MGAT5: variants seen among roughly 807,000 people sequenced by gnomAD.
The protein encoded by MGAT5 is alpha-1,6-mannosylglycoprotein 6-beta-N-acetylglucosaminyltransferase, also known as alpha-1,6-mannosylglycoprotein 6-beta-N-acetylglucosaminyltransferase A.
In MGAT5, 30 loss-of-function variants were observed where a neutral mutation model predicts 94.3. The observed-to-expected ratio is 0.32, with a 90% CI of 0.24 to 0.43. The LOEUF (loss-of-function observed/expected upper bound fraction) is 0.43, where lower values mean the gene tolerates loss of function less well. MGAT5 is among the 20% of genes least tolerant of loss of function. The pLI, the probability that MGAT5 is intolerant of heterozygous loss-of-function variation, is 1.00. For missense variants in MGAT5, 691 were observed against 905.5 expected (o/e 0.76, Z 3.04); for synonymous variants, 310 against 322.9 (o/e 0.96, Z 0.43).
At chr2:134,152,828 C>T (rs907397785) in intron 1 of MGAT5, among the ~76,000 whole-genome samples, 4 of 151,044 alleles carry the variant, frequency 2.6e-5, no homozygotes, top group Non-Finnish European at 5.9e-5. Context: ...ACCTCAGTTG[C>T]GTAAGGAAGT....
chr2:134,356,187 C>G (rs1160228456), intron 9 of MGAT5, among the ~76,000 whole-genome samples: 1 of 152,178 alleles, frequency 6.6e-6, no homozygotes, highest in East Asian at 1.9e-4. Flanking sequence ...TTCAGCATTT[C>G]TTGGTACTTG....
At chr2:134,199,350 G>T (rs996718744) in intron 1 of MGAT5, among the ~76,000 whole-genome samples, 2 of 152,092 alleles carry the variant, frequency 1.3e-5, no homozygotes, top group African/African-American at 2.4e-5. Context: ...CTGAAGTCTC[G>T]GAGGGAGTCC....
At chr2:134,213,873 A>G (rs1476001584) in intron 1 of MGAT5, among the ~76,000 whole-genome samples, 1 of 151,894 alleles carries the variant, frequency 6.6e-6, no homozygotes, top group Non-Finnish European at 1.5e-5. Context: ...AGTTCCCTGA[A>G]CCCTGTCATG....
At chr2:134,281,950 C>T (rs1429046409) in intron 2 of MGAT5, among the ~76,000 whole-genome samples, 5 of 152,228 alleles carry the variant, frequency 3.3e-5, no homozygotes, top group African/African-American at 1.2e-4. Context: ...GAAGCTGTAT[C>T]TGATGGTATC....
chr2:134,226,962 A>G (rs1300525924), intron 1 of MGAT5, among the ~76,000 whole-genome samples: 1 of 125,872 alleles, frequency 7.9e-6, no homozygotes, highest in Non-Finnish European at 1.6e-5. Flanking sequence ...GGTACCAGAT[A>G]GTCCTATTTT....
At chr2:134,304,470 C>T (rs2105839125) in intron 2 of MGAT5, among the ~76,000 whole-genome samples, 1 of 152,280 alleles carries the variant, frequency 6.6e-6, no homozygotes, top group South Asian at 2.1e-4. Context: ...CTGAAACGAA[C>T]AAATTCCCAG....
At chr2:134,316,014 A>G (rs990003795) in intron 2 of MGAT5, among the ~76,000 whole-genome samples, 1 of 152,180 alleles carries the variant, frequency 6.6e-6, no homozygotes, top group Non-Finnish European at 1.5e-5. Context: ...CCTGTGAAAT[A>G]ATACTGCAGT....
intron 1 of MGAT5, among the ~76,000 whole-genome samples, chr2:134,199,576 C>T (rs557123313): frequency 8.4e-4 from 128 of 152,122 alleles, no homozygotes; most frequent in African/African-American, 2.7e-3. Flanking sequence ...GCATTAAATC[C>T]CTGCTTAGAA....
At chr2:134,169,473 T>A (rs1036388991) in intron 1 of MGAT5, among the ~76,000 whole-genome samples, 1 of 151,816 alleles carries the variant, frequency 6.6e-6, no homozygotes, top group African/African-American at 2.4e-5. Context: ...TTCCATGATA[T>A]CCATCTACAA....
chr2:134,226,968 ATTTTTTT>A (rs33946190), intron 1 of MGAT5, among the ~76,000 whole-genome samples: 2 of 143,122 alleles, frequency 1.4e-5, no homozygotes, highest in African/African-American at 2.6e-5. Context: ...AGATAGTCCT[ATTTTTTT>A]TTTTTTTTTG....
chr2:134,195,546 C>A (rs190976579), intron 1 of MGAT5, among the ~76,000 whole-genome samples: 46 of 152,302 alleles, frequency 3.0e-4, no homozygotes, highest in Non-Finnish European at 5.4e-4. Context: ...TCTCCCATAT[C>A]GGCTGCAGCA....
intron 2 of MGAT5, among the ~76,000 whole-genome samples, chr2:134,280,953 C>G (rs746562194): frequency 1.3e-5 from 2 of 152,186 alleles, no homozygotes; most frequent in Admixed American, 1.3e-4. Flanking sequence ...CCCAATGTTG[C>G]ATTTTATACA....
chr2:134,381,403 TAGATAGATA>T (rs1558841945), intron 10 of MGAT5, among the ~76,000 whole-genome samples: 74 of 100,980 alleles, frequency 7.3e-4, no homozygotes, highest in Middle Eastern at 5.6e-3. Flanking sequence ...GATAGATAGA[TAGATAGATA>T]GATAGATAGA....
intron 1 of MGAT5, among the ~76,000 whole-genome samples, chr2:134,167,144 C>G (rs1687999589): frequency 6.6e-6 from 1 of 152,114 alleles, no homozygotes; most frequent in Non-Finnish European, 1.5e-5. Flanking sequence ...CTGATTTGTT[C>G]CTGTAATTAC....
chr2:134,342,039 A>G (rs1310158329), intron 7 of MGAT5, among the ~76,000 whole-genome samples: 2 of 152,192 alleles, frequency 1.3e-5, no homozygotes, highest in Non-Finnish European at 2.9e-5. Flanking sequence ...TGCTTCCAAC[A>G]TCTGGAGCAC....
chr2:134,217,307 G>A (rs1051327805), intron 1 of MGAT5, among the ~76,000 whole-genome samples: 10 of 150,630 alleles, frequency 6.6e-5, no homozygotes, highest in Admixed American at 3.3e-4. Flanking sequence ...CTGAAAGGAA[G>A]GAAATACATC....
At position 134,189,602 on chromosome 2, in the gene MGAT5, G is replaced by GTTTTTTTTTTTTTTTTTTTTTTT. The variant is rs912983981; in HGVS notation, c.-142-64642_-142-64641insTTTTTTTTTTTTTTTTTTTTTTT. 7.3e-4 allele frequency among the ~76,000 whole-genome samples: 62 copies of GTTTTTTTTTTTTTTTTTTTTTTT among 84,650 alleles called. 5 individuals are homozygous for GTTTTTTTTTTTTTTTTTTTTTTT. Among genetic ancestry groups the GTTTTTTTTTTTTTTTTTTTTTTT allele is most frequent in the Middle Eastern group, 8.3e-3 (1 of 120 alleles). 55.5% of individuals were successfully genotyped at this position (84,650 alleles called of 152,430 possible). A position where few individuals can be genotyped will look rare whatever the true frequency, so the allele number is the denominator to read the frequency against. On this transcript the variant is annotated intron_variant, in intron 1 of 16. Coordinates refer to the MGAT5 transcript ENST00000409645. ...AACCTCATGGCTCTAGTTTTTTTTT[G>GTTTTTTTTTTTTTTTTTTTTTTT]TTTTTTTTTTTTTTTTTTAAGACAG...
intron 2 of MGAT5, among the ~76,000 whole-genome samples, chr2:134,293,915 G>A (rs1248035837): frequency 6.6e-6 from 1 of 152,178 alleles, no homozygotes; most frequent in Non-Finnish European, 1.5e-5. Context: ...AGTGTGTGGA[G>A]GATGTGAAAC....
chr2:134,340,025 A>T (rs1688538436), intron 6 of MGAT5, among the ~76,000 whole-genome samples: 1 of 152,132 alleles, frequency 6.6e-6, no homozygotes, highest in Non-Finnish European at 1.5e-5. Context: ...GAGAAGTGGG[A>T]TTTGCAGTGT....
Sources: gnomAD v4.1 joint callset for allele counts (sites outside exome capture counted in the v4.1 genomes callset) on GRCh38, gnomAD v4.1.1 for gene constraint, MANE v1.5 for transcripts, NCBI Gene and HGNC (gene_info 2026-07-23, HGNC 2026-07-21) for gene names.